SLC3A1: variants seen among roughly 807,000 people sequenced by gnomAD.
SLC3A1 encodes amino acid transporter heavy chain SLC3A1.
A neutral mutation model predicts 60.3 loss-of-function variants in SLC3A1; 78 were observed. That is an observed-to-expected ratio of 1.29 (90% CI 1.08 to 1.56). SLC3A1 has a LOEUF of 1.56. SLC3A1 is among the 40% of genes most tolerant of loss of function. SLC3A1 has a pLI of 0.00. For synonymous variants in SLC3A1, 392 were observed against 307.9 expected, an observed-to-expected ratio of 1.27 and a Z score of -2.86; for missense variants, 1,172 against 858.9, an observed-to-expected ratio of 1.36 and a Z score of -4.56.
intron 7 of SLC3A1, among the ~76,000 whole-genome samples, chr2:44,311,476 C>T (rs140218093): frequency 2.6e-5 from 4 of 151,930 alleles, no homozygotes; most frequent in South Asian, 2.1e-4. Flanking sequence ...TGTTAAAAAC[C>T]GGACATTTTA....
At chr2:44,318,166 C>T (rs1572824334) in intron 9 of SLC3A1, 2 of 434,742 alleles carry the variant, frequency 4.6e-6, no homozygotes, top group African/African-American at 4.2e-5. Flanking sequence ...TCTCGGCACA[C>T]TGCAGCCTCT....
intron 4 of SLC3A1, among the ~76,000 whole-genome samples, chr2:44,289,846 G>C (rs1671698411): frequency 6.6e-6 from 1 of 151,906 alleles, no homozygotes; most frequent in Non-Finnish European, 1.5e-5. Context: ...GGCTAGGCTG[G>C]TCTCGAACTC....
intron 4 of SLC3A1, 85 bp downstream of exon 4, chr2:44,286,242 G>C: frequency 7.6e-7 from 1 of 1,316,150 alleles, no homozygotes; most frequent in Non-Finnish European, 1.1e-6. Context: ...CAGTAATTGT[G>C]TAGGCAAAAT....
chr2:44,306,032 C>T lies in SLC3A1; in HGVS notation c.1332+1694C>T, dbSNP rs558095802. 5.3e-5 allele frequency among the ~76,000 whole-genome samples: 8 copies of T among 152,194 alleles called. No homozygotes were observed. In the South Asian group the frequency reaches 6.2e-4, roughly 12 times the overall value. ...GAGGCAGGTTCCCAGCATCCTTGCA[C>T]GGTGCCCACCTCACACGGAGGTGCT... On this transcript the variant is annotated intron_variant, in intron 7 of 9. Coordinates refer to ENST00000260649, the MANE Select transcript of SLC3A1 (RefSeq NM_000341.4).
chr2:44,306,756 C>G (rs529956636), intron 7 of SLC3A1, among the ~76,000 whole-genome samples: 1 of 151,886 alleles, frequency 6.6e-6, no homozygotes, highest in African/African-American at 2.4e-5. Flanking sequence ...GGGGTTTCAT[C>G]ATGTTGGCCA....
chr2:44,279,814 T>C (rs776429849), intron 1 of SLC3A1, among the ~76,000 whole-genome samples: 4 of 152,122 alleles, frequency 2.6e-5, no homozygotes, highest in Non-Finnish European at 4.4e-5. Context: ...CTGCCCACCA[T>C]GGCCTCCCAA....
At chr2:44,280,177 A>G (rs1186862790) in intron 1 of SLC3A1, among the ~76,000 whole-genome samples, 1 of 152,222 alleles carries the variant, frequency 6.6e-6, no homozygotes, top group Non-Finnish European at 1.5e-5. Context: ...AGTAAGTCAC[A>G]GAGATTTTTT....
chr2:44,282,161 C>T (rs769086697), intron 3 of SLC3A1, among the ~76,000 whole-genome samples: 2 of 152,020 alleles, frequency 1.3e-5, no homozygotes, highest in Non-Finnish European at 2.9e-5. Context: ...TGTAAGCCAC[C>T]GCTCCTGGCC....
rs927849006 is a variant in SLC3A1, at chr2:44,319,947, A to G, written c.1618-252A>G. On this transcript the variant is annotated intron_variant, in intron 9 of 9. Transcript: ENST00000260649. ...GTGGAGTCAAATTTGATCTCTACAG[A>G]AACTCTACAATGTAGCAGAGCACTG... The G allele has an allele frequency of 5.3e-5, 25 of 467,926 alleles. No individual in the cohort carries two copies. In the South Asian group the frequency reaches 5.7e-4, roughly 11 times the overall value. The allele number at this position is 467,926 out of a possible 1,614,324, so 29.0% of individuals were successfully genotyped here.
intron 7 of SLC3A1, among the ~76,000 whole-genome samples, chr2:44,305,488 C>T (rs111683615): frequency 0.017 from 2,517 of 144,584 alleles, 27 homozygotes; most frequent in African/African-American, 0.035. Flanking sequence ...GAGTGCATGG[C>T]GTGATCTTGG....
At position 44,300,102 on chromosome 2, in the gene SLC3A1, T is replaced by C. The variant is rs370288046; in HGVS notation, c.1011+12T>C. 5.1e-5 allele frequency: 83 copies of C among 1,613,410 alleles called. No homozygotes were observed. The Middle Eastern group carries it at 8.2e-4, about 16-fold the overall frequency. ...AGACCCAAATCCCGGTAAAGTTTTA[T>C]TTTAAACGTTTTTCTTTTGCCTTTT... On this transcript the variant is annotated intron_variant, in intron 5 of 9. Coordinates refer to ENST00000260649, the MANE Select transcript of SLC3A1 (RefSeq NM_000341.4).
At chr2:44,298,370 A>T (rs147430318) in intron 4 of SLC3A1, among the ~76,000 whole-genome samples, 2 of 149,020 alleles carry the variant, frequency 1.3e-5, no homozygotes, top group South Asian at 4.2e-4. Flanking sequence ...CCACCCCCCT[A>T]TCCCTGCCAC....
At chr2:44,279,637 A>G (rs1205819715) in intron 1 of SLC3A1, among the ~76,000 whole-genome samples, 3 of 152,202 alleles carry the variant, frequency 2.0e-5, no homozygotes, top group Non-Finnish European at 4.4e-5. Context: ...AAAAAAGGAA[A>G]AAAGAAGCAG....
In SLC3A1 at chr2:44,313,952, G is replaced by T. The variant is rs558461213; in HGVS notation, c.1617+1G>T. ...AGATTACCACACTGTGAATGTTGAT[G>T]TAAGTATCAGTGAAAATTTTATGTT... is the stretch of plus-strand genomic sequence containing the variant. On this transcript the variant is annotated splice_donor_variant, in intron 9 of 9. Coordinates refer to ENST00000260649, the MANE Select transcript of SLC3A1 (RefSeq NM_000341.4). LOFTEE classifies it high-confidence loss of function. 2 of 1,614,068 alleles carry T rather than the reference G, an allele frequency of 1.2e-6. No homozygotes were observed. The highest frequency in any genetic ancestry group is 2.2e-5 in the East Asian group (1 of 44,866).
chr2:44,313,573 AAGC>A (rs1170541205), intron 8 of SLC3A1, among the ~76,000 whole-genome samples: 2 of 152,218 alleles, frequency 1.3e-5, no homozygotes, highest in Non-Finnish European at 1.5e-5. Flanking sequence ...TTTTAGGAAA[AAGC>A]AGCAGAGATT....
Position 44,301,008 on chromosome 2 carries a change from G to T in SLC3A1, c.1017G>T (p.Thr339=). The T allele has an allele frequency of 6.2e-7, 1 of 1,614,042 alleles. No homozygotes were observed. Among genetic ancestry groups the T allele is most frequent in the South Asian group, 1.1e-5 (1 of 91,062 alleles). The change falls in exon 6 of 10, where the codon ACG becomes ACT. Residue 339 remains threonine, a synonymous_variant. Transcript: ENST00000260649. ...IQVNKTQIPD[T]VTQYSELYHD... The stretch of plus-strand genomic sequence containing the variant: ...TGTCGTCCTGGTTTTCAAAGGACAC[G>T]GTCACACAATACTCGGAGCTGTACC...
chr2:44,306,248 G>C (rs1334489243), intron 7 of SLC3A1, among the ~76,000 whole-genome samples: 1 of 152,178 alleles, frequency 6.6e-6, no homozygotes, highest in Non-Finnish European at 1.5e-5. Context: ...TTTTCGCACA[G>C]ATCCTGCCAG....
At chr2:44,285,902 C>T in intron 3 of SLC3A1, 130 bp from the exon 4 acceptor site, 1 of 1,206,688 alleles carries the variant, frequency 8.3e-7, no homozygotes, top group South Asian at 1.2e-5. Context: ...CTTTAACCTG[C>T]TGCTCTCTGT....
At chr2:44,298,148 T>C (rs559870948) in intron 4 of SLC3A1, among the ~76,000 whole-genome samples, 2 of 152,032 alleles carry the variant, frequency 1.3e-5, no homozygotes, top group Admixed American at 1.3e-4. Flanking sequence ...TTTGAGGAAA[T>C]GCCATACTAT....
Sources: gnomAD v4.1 joint callset for allele counts (sites outside exome capture counted in the v4.1 genomes callset) on GRCh38, gnomAD v4.1.1 for gene constraint, MANE v1.5 for transcripts, NCBI Gene and HGNC (gene_info 2026-07-23, HGNC 2026-07-21) for gene names.